The following TSC2 variants were observed in gnomAD, a reference collection of about 807,000 sequenced individuals.
TSC2 encodes the protein TSC complex subunit 2.
Under a neutral mutation model 202.2 loss-of-function variants are expected in TSC2, and 29 were observed. The ratio of observed to expected loss-of-function variants is 0.14; its 90% CI spans 0.11 to 0.20. The LOEUF is 0.20. TSC2 is among the 10% of genes least tolerant of loss of function. TSC2 has a pLI of 1.00. For missense variants in TSC2, 2,429 were observed against 2,420.0 expected (o/e 1.00, Z -0.08); for synonymous variants, 1,349 against 1,044.0 (o/e 1.29, Z -5.63).
In TSC2 at chr16:2,082,516, C is replaced by T. The variant is rs1567514282; in HGVS notation, c.3883+12C>T. On this transcript the variant is annotated intron_variant, in intron 32 of 41. Transcript: ENST00000219476. ...CGTTTCCTGGGCAGGTATCGCCTCT[C>T]AGAGGGAAGCGGTTGGCTGCAGAGC... is the stretch of plus-strand genomic sequence containing the variant. The T allele has an allele frequency of 1.2e-6, 2 of 1,610,314 alleles. No homozygotes were observed. The highest frequency in any genetic ancestry group is 2.2e-5 in the East Asian group (1 of 44,884).
chr16:2,055,229 G>T, intron 5 of TSC2, 173 bp from the exon 6 acceptor site: 2 of 693,162 alleles, frequency 2.9e-6, no homozygotes, highest in Non-Finnish European at 5.3e-6. Flanking sequence ...CCTGCCCTGG[G>T]CTCCCCTGAG....
chr16:2,079,248 G>T lies in TSC2; in HGVS notation c.3132-28G>T. On this transcript the variant is annotated intron_variant, in intron 27 of 41. Transcript: ENST00000219476. The surrounding 1 kb of genome is among the most constrained non-coding windows in gnomAD (Gnocchi z 4.6). ...GGGCCTGCGGGAGCTCCACGGGCAAGCTGGGTTTCACGCTCCCTGTCTTCT... is the reference window on the plus strand; with the variant it reads ...GGGCCTGCGGGAGCTCCACGGGCAATCTGGGTTTCACGCTCCCTGTCTTCT... 6.2e-7 allele frequency: 1 copy of T among 1,612,962 alleles called. No individual in the cohort carries two copies. The highest frequency in any genetic ancestry group is 8.5e-7 in the Non-Finnish European group (1 of 1,180,030).
chr16:2,083,279 T>C (rs755247141), intron 32 of TSC2: 1 of 459,322 alleles, frequency 2.2e-6, no homozygotes, highest in East Asian at 6.7e-5. Flanking sequence ...TTGGGAGCAG[T>C]CTGTTTGCAA....
In TSC2 at chr16:2,072,833, T is replaced by C. The variant is rs956986385; in HGVS notation, c.2221-16T>C. The C allele has an allele frequency of 6.2e-7, 1 of 1,613,462 alleles. No homozygotes were observed. Among genetic ancestry groups the C allele is most frequent in the African/African-American group, 1.3e-5 (1 of 75,072 alleles). On this transcript the variant is annotated splice_polypyrimidine_tract_variant and intron_variant, in intron 20 of 41. Coordinates refer to ENST00000219476, the MANE Select transcript of TSC2 (RefSeq NM_000548.5). ...GGCCGCTGGGGAGAGGTTTCATGCC[T>C]GGATTTGGTCATCAGCTTTCAGGCC...
chr16:2,053,481 T>C (rs1369112078), intron 4 of TSC2, 29 bp downstream of exon 4: 4 of 1,543,112 alleles, frequency 2.6e-6, no homozygotes, highest in Non-Finnish European at 3.5e-6. Context: ...CTGGGATGGG[T>C]GACGTCAGGC....
intron 5 of TSC2, 82 bp from the exon 6 acceptor site, chr16:2,055,320 A>G (rs1783146575): frequency 2.4e-5 from 26 of 1,088,430 alleles, no homozygotes; most frequent in Non-Finnish European, 3.7e-5. Flanking sequence ...GGGTTTGGAC[A>G]CACTGTCCTG....
chr16:2,049,288 C>T (rs1448232974), intron 2 of TSC2, among the ~76,000 whole-genome samples: 2 of 151,758 alleles, frequency 1.3e-5, no homozygotes. Flanking sequence ...GTTTCACTAT[C>T]TTGGCCAGGC....
chr16:2,073,494 G>A (rs925719951), intron 21 of TSC2, among the ~76,000 whole-genome samples: 5 of 152,238 alleles, frequency 3.3e-5, no homozygotes, highest in African/African-American at 1.2e-4. Context: ...TCTGGCCTCC[G>A]CTCAGGGCCA....
At chr16:2,072,571 G>T (rs1022823112) in intron 20 of TSC2, 4 of 851,268 alleles carry the variant, frequency 4.7e-6, no homozygotes, top group Admixed American at 5.6e-5. Context: ...GACGTCAGAG[G>T]TCCCCAGCCA....
chr16:2,070,307 A>AG, intron 16 of TSC2, 149 bp from the exon 17 acceptor site: 1 of 1,350,408 alleles, frequency 7.4e-7, no homozygotes, highest in Non-Finnish European at 1.0e-6. Flanking sequence ...GTGGAGAGAG[A>AG]GTCCTGGTGG....
Position 2,052,585 on chromosome 16 carries a change from C to T in TSC2, c.226-757C>T, listed in dbSNP as rs1432488506. 3.3e-5 allele frequency among the ~76,000 whole-genome samples: 5 copies of T among 152,234 alleles called. No individual in the cohort carries two copies. In the South Asian group the frequency reaches 8.3e-4, roughly 25 times the overall value. On this transcript the variant is annotated intron_variant, in intron 3 of 41. Transcript: ENST00000219476. ...TCTGCCACCCGAAGTGCTGAGATTA[C>T]AGGTGTGAGCCACCGCACTTGGCCA...
intron 10 of TSC2, among the ~76,000 whole-genome samples, chr16:2,059,641 T>A (rs560682648): frequency 6.7e-6 from 1 of 150,372 alleles, no homozygotes; most frequent in South Asian, 2.1e-4. Context: ...TGCCTCAGCC[T>A]CCTGAGTAGC....
intron 18 of TSC2, 45 bp from the exon 19 acceptor site, chr16:2,071,739 C>G: frequency 1.3e-6 from 2 of 1,598,312 alleles, no homozygotes; most frequent in East Asian, 2.3e-5. Flanking sequence ...CTGTTCCGTT[C>G]CTGCTGCGGG....
rs1233401491 is a variant in TSC2 at position 2,079,545 on chromosome 16, T to G, written c.3285-12T>G. On this transcript the variant is annotated splice_polypyrimidine_tract_variant and intron_variant, in intron 28 of 41. Coordinates refer to ENST00000219476, the MANE Select transcript of TSC2 (RefSeq NM_000548.5). This position sits in a 1 kb window ranked among gnomAD's most constrained non-coding sequence, Gnocchi z 4.6. ...GACTAAGTCCACCCTGTGCGTGGGA[T>G]TCTCTTCTCAGCTCCAGCCCCGGGG... 3 of 1,608,362 alleles carry G rather than the reference T, an allele frequency of 1.9e-6. No homozygotes were observed. Among genetic ancestry groups the G allele is most frequent in the Non-Finnish European group, 2.5e-6 (3 of 1,177,990 alleles).
chr16:2,073,801 C>T (rs181691340), intron 21 of TSC2, among the ~76,000 whole-genome samples: 1 of 152,218 alleles, frequency 6.6e-6, no homozygotes, highest in Non-Finnish European at 1.5e-5. Flanking sequence ...CCTGGCAGGC[C>T]ATCTGGCCCC....
rs1441953834 is a variant in TSC2 at position 2,063,999 on chromosome 16, G to A, written c.1444-273G>A. The A allele has an allele frequency of 1.3e-5, 7 of 536,658 alleles. No individual in the cohort carries two copies. Among genetic ancestry groups the A allele is most frequent in the Admixed American group, 3.1e-5 (1 of 32,506 alleles). 33.2% of individuals were successfully genotyped at this position (536,658 alleles called of 1,614,324 possible). ...ACAGTGAAGGGCAGGGCCTCACCTCGGCTGCTCCTTGTGAGTTGTGGGCCC... is the reference window on the plus strand; with the variant it reads ...ACAGTGAAGGGCAGGGCCTCACCTCAGCTGCTCCTTGTGAGTTGTGGGCCC... On this transcript the variant is annotated intron_variant, in intron 14 of 41. Coordinates refer to ENST00000219476, the MANE Select transcript of TSC2 (RefSeq NM_000548.5).
rs1257270850 is a variant in TSC2, at chr16:2,086,279, G to A, written c.4749G>A (p.Glu1583=). The A allele has an allele frequency of 1.2e-6, 2 of 1,612,904 alleles. No individual in the cohort carries two copies. Among genetic ancestry groups the A allele is most frequent in the Non-Finnish European group, 1.7e-6 (2 of 1,179,968 alleles). ...EFLTGLGRLI[E]LKDCQPDKVY... ...TGACGGGCCTGGGCCGGCTCATCGA[G>A]CTGAAGGACTGCCAGCCGGACAAGG... The change falls in exon 37 of 42, where the codon GAG becomes GAA. Residue 1583 remains glutamate (E), a synonymous_variant. Coordinates refer to ENST00000219476, the MANE Select transcript of TSC2 (RefSeq NM_000548.5).
Position 2,048,062 on chromosome 16 carries a change from C to T in TSC2, c.-33C>T, listed in dbSNP as rs1438236154. 9 of 1,424,902 alleles carry T rather than the reference C, an allele frequency of 6.3e-6. No homozygotes were observed. Among genetic ancestry groups the T allele is most frequent in the Admixed American group, 5.9e-5 (2 of 34,028 alleles). 88.3% of individuals were successfully genotyped at this position (1,424,902 alleles called of 1,614,324 possible). ...CGGCCCGGAGCGCGGTGGCGCGGCG[C>T]GGGGTAAGTGGCGGTCCCCACGGGG... On this transcript the variant is annotated 5_prime_UTR_variant, in exon 1 of 42. Coordinates refer to ENST00000219476, the MANE Select transcript of TSC2 (RefSeq NM_000548.5).
chr16:2,077,872 G>A, intron 26 of TSC2, 146 bp downstream of exon 26: 2 of 1,412,320 alleles, frequency 1.4e-6, no homozygotes, highest in Non-Finnish European at 1.9e-6. Flanking sequence ...GACGAGGGGT[G>A]GAAAGGTTGC....
Sources: allele counts gnomAD v4.1 joint callset (sites outside exome capture counted in the v4.1 genomes callset), GRCh38; gene constraint gnomAD v4.1.1; non-coding constraint Gnocchi (gnomAD v3.1); transcripts MANE v1.5; gene names NCBI Gene and HGNC (gene_info 2026-07-23, HGNC 2026-07-21).